The following GRIN3A variants were observed in gnomAD, a reference collection of about 807,000 sequenced individuals.
GRIN3A encodes the protein glutamate ionotropic receptor NMDA type subunit 3A, also known as glutamate receptor ionotropic, NMDA 3A.
In GRIN3A, 47 loss-of-function variants were observed where a neutral mutation model predicts 92.4. The observed-to-expected ratio is 0.51, with a 90% CI of 0.40 to 0.65. GRIN3A has a LOEUF of 0.65. Among genes scored for constraint, GRIN3A ranks in the 30% least tolerant of loss-of-function variants. The pLI is 0.00. For synonymous variants in GRIN3A, 527 were observed against 540.6 expected, an observed-to-expected ratio of 0.97 and a Z score of 0.35; for missense variants, 1,324 against 1,393.1, an observed-to-expected ratio of 0.95 and a Z score of 0.79.
At chr9:101,654,638 T>G (rs1829060532) in intron 3 of GRIN3A, among the ~76,000 whole-genome samples, 1 of 151,724 alleles carries the variant, frequency 6.6e-6, no homozygotes, top group Non-Finnish European at 1.5e-5. Context: ...TTACTTTATC[T>G]GCCTATTAAG....
intron 1 of GRIN3A, among the ~76,000 whole-genome samples, 187 bp from the exon 2 acceptor site, chr9:101,687,387 G>A (rs944668154): frequency 6.6e-6 from 1 of 152,128 alleles, no homozygotes; most frequent in Admixed American, 6.5e-5. Flanking sequence ...CCTAACAACT[G>A]ATTTCCTAAT....
rs1161758683 is a variant in GRIN3A, at chr9:101,670,251, T to G, written c.2161A>C (p.Asn721His). The change falls in exon 3 of 9, where the codon AAC becomes CAC. Residue 721 changes from asparagine (N) to histidine (H), a missense_variant. Coordinates refer to ENST00000361820, the MANE Select transcript of GRIN3A (RefSeq NM_133445.3). ...SKVFSFSSAL[N>H]ICYALLFGRT... ...CCAAACAAGAGGGCATAACAGATGT[T>G]CAAGGCTGAAGAAAAGGAGAAGACT... 1.2e-6 allele frequency: 2 copies of G among 1,614,082 alleles called. No homozygotes were observed. The highest frequency in any genetic ancestry group is 2.2e-5 in the South Asian group (2 of 91,088).
intron 1 of GRIN3A, among the ~76,000 whole-genome samples, chr9:101,690,994 A>G (rs548367151): frequency 1.3e-5 from 2 of 152,270 alleles, no homozygotes; most frequent in East Asian, 3.9e-4. Flanking sequence ...GTAAATATGT[A>G]TCAGAAATTA....
intron 3 of GRIN3A, among the ~76,000 whole-genome samples, chr9:101,633,063 T>C (rs1015251173): frequency 6.6e-6 from 1 of 152,186 alleles, no homozygotes; most frequent in Admixed American, 6.5e-5. Context: ...AGTACCTACA[T>C]GGAGAATAAT....
chr9:101,599,441 G>A (rs1001858397), intron 6 of GRIN3A, among the ~76,000 whole-genome samples: 1 of 152,164 alleles, frequency 6.6e-6, no homozygotes, highest in African/African-American at 2.4e-5. Context: ...ATGTAGCTCA[G>A]CATTATTATG....
intron 3 of GRIN3A, among the ~76,000 whole-genome samples, chr9:101,640,373 C>T (rs554172194): frequency 2.6e-4 from 39 of 152,314 alleles, no homozygotes; most frequent in African/African-American, 9.1e-4. Flanking sequence ...TTTCCTTCTT[C>T]TTTCTTTGCA....
chr9:101,722,913 T>C (rs62576358), intron 1 of GRIN3A, among the ~76,000 whole-genome samples: 4,139 of 152,286 alleles, frequency 0.027, 78 homozygotes, highest in Middle Eastern at 0.048. Flanking sequence ...GTTAAGACTT[T>C]GGGGGACTGT....
intron 1 of GRIN3A, among the ~76,000 whole-genome samples, chr9:101,730,874 GATT>G (rs1041813046): frequency 2.6e-5 from 4 of 151,928 alleles, no homozygotes; most frequent in African/African-American, 9.7e-5. Flanking sequence ...AGGTAAAAAT[GATT>G]ATTTTTAGAA....
intron 6 of GRIN3A, among the ~76,000 whole-genome samples, chr9:101,583,223 C>A (rs968103443): frequency 3.9e-5 from 6 of 152,216 alleles, no homozygotes; most frequent in African/African-American, 1.4e-4. Context: ...CAATGCTTCT[C>A]AAACAATCGC....
At chr9:101,715,466 G>A (rs1488918801) in intron 1 of GRIN3A, among the ~76,000 whole-genome samples, 2 of 152,100 alleles carry the variant, frequency 1.3e-5, no homozygotes, top group African/African-American at 2.4e-5. Flanking sequence ...AATTCTCCAT[G>A]TTTAAAGAAA....
intron 5 of GRIN3A, among the ~76,000 whole-genome samples, chr9:101,622,641 T>C (rs992261957): frequency 2.0e-5 from 3 of 152,164 alleles, no homozygotes; most frequent in African/African-American, 7.2e-5. Context: ...AACTATAGAA[T>C]GAGTTTTTTT....
At chr9:101,630,927 A>G (rs1358282922) in intron 3 of GRIN3A, among the ~76,000 whole-genome samples, 1 of 152,144 alleles carries the variant, frequency 6.6e-6, no homozygotes, top group Admixed American at 6.5e-5. Flanking sequence ...AATTCATTTT[A>G]TCTAGTCTAT....
chr9:101,594,235 G>C (rs989724056), intron 6 of GRIN3A: 2 of 804,158 alleles, frequency 2.5e-6, no homozygotes, highest in Non-Finnish European at 3.8e-6. Flanking sequence ...GAGTCATTCA[G>C]AGAAGGAGAA....
rs568034194 is a variant in GRIN3A at position 101,671,352 on chromosome 9, C to T, written c.1305-245G>A. Among the ~76,000 whole-genome samples, 20 of 152,266 alleles carry T rather than the reference C, an allele frequency of 1.3e-4. No individual in the cohort carries two copies. The South Asian group carries it at 3.9e-3, about 30-fold the overall frequency. On this transcript the variant is annotated intron_variant, in intron 2 of 8. Coordinates refer to ENST00000361820, the MANE Select transcript of GRIN3A (RefSeq NM_133445.3). ...TCTAATATTCTAGCCAGGTGCTTGA[C>T]TCTTAGTCTTACTCCAAATGTTTTA...
chr9:101,737,503 G>A lies in GRIN3A; in HGVS notation c.477C>T (p.Gly159=). 1 of 1,614,210 alleles carries A rather than the reference G, an allele frequency of 6.2e-7. No homozygotes were observed. Among genetic ancestry groups the A allele is most frequent in the Non-Finnish European group, 8.5e-7 (1 of 1,180,002 alleles). ...EVVMAIEAGL[G]DLPLLPFSSP... ...AGGAGAAGGGCAAAAGTGGCAGATC[G>A]CCCAGGCCTGCCTCGATGGCCATCA... The change falls in exon 1 of 9, where the codon GGC becomes GGT. Residue 159 remains glycine, a synonymous_variant. Coordinates refer to ENST00000361820, the MANE Select transcript of GRIN3A (RefSeq NM_133445.3).
At chr9:101,601,923 A>G (rs1372214824) in intron 6 of GRIN3A, among the ~76,000 whole-genome samples, 1 of 152,122 alleles carries the variant, frequency 6.6e-6, no homozygotes, top group Non-Finnish European at 1.5e-5. Flanking sequence ...GAGAATTAGG[A>G]CCTCAGAACC....
At chr9:101,609,779 G>A (rs1828335264) in intron 6 of GRIN3A, among the ~76,000 whole-genome samples, 3 of 152,200 alleles carry the variant, frequency 2.0e-5, no homozygotes, top group Admixed American at 2.0e-4. Flanking sequence ...TGATAAGGGA[G>A]GTTAAAATCA....
intron 3 of GRIN3A, among the ~76,000 whole-genome samples, chr9:101,666,812 G>C (rs1829243325): frequency 1.3e-5 from 2 of 151,996 alleles, no homozygotes; most frequent in African/African-American, 4.8e-5. Flanking sequence ...TAATTGCCAA[G>C]TCCTGCTGAT....
At chr9:101,646,496 TTTGGAG>T (rs1481432302) in intron 3 of GRIN3A, among the ~76,000 whole-genome samples, 1 of 152,014 alleles carries the variant, frequency 6.6e-6, no homozygotes, top group Non-Finnish European at 1.5e-5. Context: ...GCTTTAGCTA[TTTGGAG>T]CCTTTTGGGG....
Sources: allele counts gnomAD v4.1 joint callset (sites outside exome capture counted in the v4.1 genomes callset), GRCh38; gene constraint gnomAD v4.1.1; transcripts MANE v1.5; gene names NCBI Gene and HGNC (gene_info 2026-07-23, HGNC 2026-07-21).